ZNF292: variants seen among roughly 807,000 people sequenced by gnomAD.
ZNF292 encodes the protein 16 zinc-finger domain protein.
A neutral mutation model predicts 217.9 loss-of-function variants in ZNF292; 26 were observed. The observed-to-expected ratio is 0.12, with a 90% confidence interval of 0.09 to 0.17. The LOEUF (loss-of-function observed/expected upper bound fraction) is 0.17. ZNF292 is among the 10% of genes least tolerant of loss of function. The probability of loss-of-function intolerance (pLI) is 1.00; values close to 1 mark genes in which losing one functional copy is unlikely to be tolerated. For missense variants in ZNF292, 2,904 were observed against 3,175.2 expected (o/e 0.91, Z 2.05); for synonymous variants, 1,257 against 1,124.1 (o/e 1.12, Z -2.37).
At chr6:87,234,034 T>C (rs549759891) in intron 5 of ZNF292, among the ~76,000 whole-genome samples, 6 of 152,220 alleles carry the variant, frequency 3.9e-5, no homozygotes, top group Non-Finnish European at 8.8e-5. Context: ...TTATTTTCTC[T>C]CTGAGACATT....
At chr6:87,187,582 G>A (rs1436023811) in intron 1 of ZNF292, among the ~76,000 whole-genome samples, 1 of 151,982 alleles carries the variant, frequency 6.6e-6, no homozygotes, top group South Asian at 2.1e-4. Flanking sequence ...GCCAAGTATG[G>A]TGGTGCATGC....
rs373643205 is a variant in ZNF292 at position 87,227,904 on chromosome 6, A to G, written c.539-5421A>G. 7.2e-5 allele frequency among the ~76,000 whole-genome samples: 11 copies of G among 152,340 alleles called. No individual in the cohort carries two copies. In the South Asian group the frequency reaches 1.7e-3, roughly 23 times the overall value. On this transcript the variant is annotated intron_variant, in intron 4 of 7. Coordinates refer to ENST00000369577, the MANE Select transcript of ZNF292 (RefSeq NM_015021.3). ...TATTGTGAGTAGTGCTACTATAAAC[A>G]TGGGCATACAAACGCTTCTTCAAGA...
intron 1 of ZNF292, among the ~76,000 whole-genome samples, chr6:87,189,160 G>A (rs1771750722): frequency 1.3e-5 from 2 of 151,912 alleles, no homozygotes; most frequent in South Asian, 2.1e-4. Context: ...AGTTGAGATC[G>A]CACCACTGCA....
At position 87,255,869 on chromosome 6, in the gene ZNF292, G is replaced by C; in HGVS notation, c.2240G>C (p.Ser747Thr). Reference sequence around the variant, plus strand: ...GATCACTTACAGATGCACTGTGGCAGTAAACCATATATCTGTATACAGATG... The same window carrying C: ...GATCACTTACAGATGCACTGTGGCACTAAACCATATATCTGTATACAGATG... The part of the protein sequence containing the change: ...LNDHLQMHCG[S>T]KPYICIQMKC... The change falls in exon 8 of 8, where the codon AGT (serine) becomes ACT (threonine). Residue 747 changes from serine (S) to threonine (T), a missense_variant. By Grantham distance (58) the Ser-to-Thr change is moderately conservative. Coordinates refer to ENST00000369577, the MANE Select transcript of ZNF292 (RefSeq NM_015021.3). 6.2e-7 allele frequency: 1 copy of C among 1,613,824 alleles called. No homozygotes were observed. Among genetic ancestry groups the C allele is most frequent in the Non-Finnish European group, 8.5e-7 (1 of 1,179,836 alleles).
rs772603421 is a variant in ZNF292, at chr6:87,258,584, TAAC to T, written c.4961_4963del (p.Thr1654del). On this transcript the variant is annotated inframe_deletion, in exon 8 of 8. Transcript: ENST00000369577. ...TCCCAAAACTTGGTAACAAGTGACT[TAAC>T]AACAATGGGACTCATAGCAAAGAGT... The T allele has an allele frequency of 7.4e-6, 12 of 1,613,704 alleles. No homozygotes were observed. The South Asian group carries it at 1.1e-4, about 15-fold the overall frequency.
rs574015232 is a variant in ZNF292, at chr6:87,206,463, T to A, written c.169-9440T>A. 3.9e-5 allele frequency among the ~76,000 whole-genome samples: 6 copies of A among 152,256 alleles called. 2 individuals are homozygous for A. The highest frequency in any genetic ancestry group is 1.2e-4 in the African/African-American group (5 of 41,546). ...ATATTTGCTTTATCTCACATTTTAT[T>A]TTCTGAATCCTTTAAGAGTTAGCCA... On this transcript the variant is annotated intron_variant, in intron 1 of 7. Transcript: ENST00000369577.
chr6:87,255,382 G>A lies in ZNF292; in HGVS notation c.1753G>A (p.Val585Ile). The A allele has an allele frequency of 6.2e-7, 1 of 1,613,622 alleles. No individual in the cohort carries two copies. Among genetic ancestry groups the A allele is most frequent in the Non-Finnish European group, 8.5e-7 (1 of 1,179,798 alleles). Residue 585 changes from valine to isoleucine, a missense_variant, in exon 8 of 8, where the codon GTC (valine) becomes ATC (isoleucine). Val to Ile is a conservative substitution (Grantham distance 29). Transcript: ENST00000369577. ...GAACTTTAATTCTAAAGAAACTTTT[G>A]TCCCTCATGTCACACTGCATGTTAA... Reference protein sequence around the residue: ...AKNFNSKETFVPHVTLHVKQS... With the variant: ...AKNFNSKETFIPHVTLHVKQS...
intron 1 of ZNF292, among the ~76,000 whole-genome samples, chr6:87,198,440 G>T (rs986704276): frequency 6.6e-6 from 1 of 152,118 alleles, no homozygotes; most frequent in African/African-American, 2.4e-5. Flanking sequence ...TCCTCACCTC[G>T]TGATCCGCCC....
intron 1 of ZNF292, among the ~76,000 whole-genome samples, chr6:87,204,816 A>G (rs1772198688): frequency 1.3e-5 from 2 of 152,130 alleles, no homozygotes; most frequent in East Asian, 3.9e-4. Context: ...TCCCTGCCTC[A>G]GCCTCGCAAA....
intron 5 of ZNF292, 122 bp from the exon 6 acceptor site, chr6:87,243,353 A>T: frequency 1.3e-5 from 10 of 746,268 alleles, no homozygotes; most frequent in Non-Finnish European, 1.9e-5. Flanking sequence ...TTGATAGTGT[A>T]TGAATTAATG....
At chr6:87,158,278 C>T (rs1409295295) in intron 1 of ZNF292, among the ~76,000 whole-genome samples, 1 of 152,150 alleles carries the variant, frequency 6.6e-6, no homozygotes, top group African/African-American at 2.4e-5. Context: ...CTGATTTCCT[C>T]TGGAACATTT....
chr6:87,253,650 CT>C (rs1278775604), intron 7 of ZNF292, among the ~76,000 whole-genome samples: 2 of 152,112 alleles, frequency 1.3e-5, no homozygotes, highest in Admixed American at 1.3e-4. Context: ...GCTCCTTTTC[CT>C]TTTTAGTAAA....
At chr6:87,192,915 G>A (rs934597367) in intron 1 of ZNF292, among the ~76,000 whole-genome samples, 4 of 152,156 alleles carry the variant, frequency 2.6e-5, no homozygotes, top group Non-Finnish European at 5.9e-5. Flanking sequence ...GGATCTTAAT[G>A]GATAAGGAAT....
rs370598235 is a variant in ZNF292, at chr6:87,233,514, A to G, written c.728A>G (p.Lys243Arg). Residue 243 changes from lysine (K) to arginine (R), a missense_variant, in exon 5 of 8, where the codon AAG becomes AGG. By Grantham distance (26) the Lys-to-Arg change is conservative (BLOSUM62 2). Transcript: ENST00000369577. The part of the protein sequence containing the change: ...VCLCTSSPNG[K>R]LIEEISEVDC... ...CTTTGTACATCATCACCAAATGGAAAGTTAATCGAAGAGGTGAGTATGTTT... is the reference window on the plus strand; with the variant it reads ...CTTTGTACATCATCACCAAATGGAAGGTTAATCGAAGAGGTGAGTATGTTT... The G allele has an allele frequency of 2.5e-6, 4 of 1,610,178 alleles. No homozygotes were observed. In the African/African-American group the frequency reaches 4.0e-5, roughly 16 times the overall value.
chr6:87,193,622 A>G (rs1348835252), intron 1 of ZNF292, among the ~76,000 whole-genome samples: 1 of 152,102 alleles, frequency 6.6e-6, no homozygotes, highest in African/African-American at 2.4e-5. Context: ...TTCAACTGTA[A>G]TGTATCTTTT....
Position 87,265,319 on chromosome 6 carries a change from T to A in ZNF292, c.*3518T>A, listed in dbSNP as rs1775775168. On this transcript the variant is annotated 3_prime_UTR_variant, in exon 8 of 8. Transcript: ENST00000369577. ...GGCACAATCTCAGCTCAGTGCAACT[T>A]CCATCTCCCAGGTTCAAGTGATTCT... 6.6e-6 allele frequency among the ~76,000 whole-genome samples: 1 copy of A among 152,078 alleles called. No individual in the cohort carries two copies. Among genetic ancestry groups the A allele is most frequent in the Non-Finnish European group, 1.5e-5 (1 of 68,004 alleles).
chr6:87,188,677 T>A (rs1426362114), intron 1 of ZNF292, among the ~76,000 whole-genome samples: 3 of 151,912 alleles, frequency 2.0e-5, no homozygotes, highest in African/African-American at 7.2e-5. Context: ...GTTTTCTTGT[T>A]TAATTTTCTG....
chr6:87,249,858 C>T (rs553410007), intron 7 of ZNF292, among the ~76,000 whole-genome samples: 3 of 151,904 alleles, frequency 2.0e-5, no homozygotes, highest in East Asian at 1.9e-4. Flanking sequence ...TACAGGCGGA[C>T]GCCACCATGC....
chr6:87,237,110 A>ATTT (rs1204060112), intron 5 of ZNF292, among the ~76,000 whole-genome samples: 2 of 152,204 alleles, frequency 1.3e-5, no homozygotes, highest in African/African-American at 4.8e-5. Context: ...TTAGTCTTAA[A>ATTT]TATTTGCTAG....
Sources: gnomAD v4.1 joint callset for allele counts (sites outside exome capture counted in the v4.1 genomes callset) on GRCh38, gnomAD v4.1.1 for gene constraint, MANE v1.5 for transcripts, NCBI Gene and HGNC (gene_info 2026-07-23, HGNC 2026-07-21) for gene names.